The following SFXN5 variants were observed in gnomAD, a reference collection of about 807,000 sequenced individuals.
SFXN5 encodes sideroflexin-5.
Under a neutral mutation model 50.2 loss-of-function variants are expected in SFXN5, and 43 were observed. That is an observed-to-expected ratio of 0.86 (90% CI 0.67 to 1.11). The LOEUF (loss-of-function observed/expected upper bound fraction) is 1.11, where lower values mean the gene tolerates loss of function less well. SFXN5 is among the 50% of genes least tolerant of loss of function. The pLI, the probability that SFXN5 is intolerant of heterozygous loss-of-function variation, is 0.00. For missense variants in SFXN5, 463 were observed against 454.1 expected (o/e 1.02, Z -0.18); for synonymous variants, 203 against 185.8 (o/e 1.09, Z -0.75).
intron 6 of SFXN5, among the ~76,000 whole-genome samples, chr2:73,002,286 G>T (rs1674014190): frequency 6.6e-6 from 1 of 152,200 alleles, no homozygotes; most frequent in South Asian, 2.1e-4. Flanking sequence ...CTAGGTATGG[G>T]AACATGTAGA....
Position 72,944,665 on chromosome 2 carries a change from TA to T in SFXN5, c.*356del, listed in dbSNP as rs1671734491. 1 of 192,458 alleles carries T rather than the reference TA, an allele frequency of 5.2e-6. No individual in the cohort carries two copies. Among genetic ancestry groups the T allele is most frequent in the East Asian group, 1.4e-4 (1 of 7,374 alleles). 11.9% of individuals were successfully genotyped at this position (192,458 alleles called of 1,614,324 possible). A position where few individuals can be genotyped will look rare whatever the true frequency, so the allele number is the denominator to read the frequency against. On this transcript the variant is annotated 3_prime_UTR_variant, in exon 14 of 14. Transcript: ENST00000272433. ...AACTAAGGCTCAGATTTGATTCTGA[TA>T]AAAAATAAAAATAAAAAAGGAACCA...
intron 13 of SFXN5, among the ~76,000 whole-genome samples, chr2:72,951,927 C>T (rs1367910504): frequency 1.3e-5 from 2 of 152,244 alleles, no homozygotes; most frequent in African/African-American, 4.8e-5. Context: ...AACATCCCAT[C>T]CTTTCTCACC....
chr2:73,061,308 A>G (rs974740079), intron 1 of SFXN5, among the ~76,000 whole-genome samples: 53 of 131,760 alleles, frequency 4.0e-4, no homozygotes, highest in African/African-American at 1.0e-3. Context: ...ACTCTGTCTC[A>G]AAAAAAAAAA....
intron 1 of SFXN5, among the ~76,000 whole-genome samples, chr2:73,062,748 G>A (rs1035313058): frequency 6.6e-6 from 1 of 152,198 alleles, no homozygotes; most frequent in Admixed American, 6.5e-5. Context: ...GAGTTTAAAT[G>A]AAGCATCGCG....
intron 1 of SFXN5, chr2:73,071,343 G>A: frequency 2.2e-6 from 1 of 452,626 alleles, no homozygotes. Context: ...ACAGGGCGCC[G>A]CGGGCGGGAA....
intron 5 of SFXN5, 26 bp from the exon 6 acceptor site, chr2:73,020,290 GC>G (rs1559163491): frequency 1.2e-6 from 2 of 1,613,622 alleles, no homozygotes; most frequent in Admixed American, 3.3e-5. Flanking sequence ...AAAGAGTCAG[GC>G]CTTATAATCC....
At chr2:72,998,023 G>A (rs1462826689) in intron 9 of SFXN5, 1 of 152,342 alleles carries the variant, frequency 6.6e-6, no homozygotes, top group Non-Finnish European at 1.5e-5. Context: ...AGCCTCCTGA[G>A]TAGCTGGGAC....
rs139195818 is a variant in SFXN5, at chr2:72,947,057, G to A, written c.946-1958C>T. On this transcript the variant is annotated intron_variant, in intron 13 of 13. Coordinates refer to ENST00000272433, the MANE Select transcript of SFXN5 (RefSeq NM_144579.3). ...TCCCGTCTTCAGCTCATCATCTTTC[G>A]TGTCTCAGCTTTAGACACCTTCCCT... 3.9e-5 allele frequency among the ~76,000 whole-genome samples: 6 copies of A among 152,158 alleles called. No individual in the cohort carries two copies. The East Asian group carries it at 9.7e-4, about 25-fold the overall frequency.
intron 3 of SFXN5, among the ~76,000 whole-genome samples, chr2:73,033,592 G>A (rs1425307346): frequency 6.6e-6 from 1 of 152,238 alleles, no homozygotes; most frequent in African/African-American, 2.4e-5. Flanking sequence ...AGAACAGCCA[G>A]TGCAAAGGCC....
chr2:73,048,605 T>C (rs1183951318), intron 2 of SFXN5, among the ~76,000 whole-genome samples: 1 of 152,254 alleles, frequency 6.6e-6, no homozygotes, highest in Non-Finnish European at 1.5e-5. Context: ...TTTATTTTCT[T>C]TAGACTTTTA....
chr2:73,004,582 G>C (rs1674367834), intron 6 of SFXN5, among the ~76,000 whole-genome samples: 1 of 152,138 alleles, frequency 6.6e-6, no homozygotes, highest in Non-Finnish European at 1.5e-5. Context: ...CACAGGAGCA[G>C]GGACAGCCGA....
intron 2 of SFXN5, among the ~76,000 whole-genome samples, chr2:73,046,691 T>TA (rs1202952356): frequency 6.6e-6 from 1 of 151,924 alleles, no homozygotes; most frequent in African/African-American, 2.4e-5. Flanking sequence ...ATGAATAGAA[T>TA]AAAAAAAGTG....
intron 2 of SFXN5, among the ~76,000 whole-genome samples, chr2:73,048,305 C>T (rs1680781089): frequency 6.6e-6 from 1 of 152,188 alleles, no homozygotes; most frequent in Non-Finnish European, 1.5e-5. Context: ...GCAACCTCCA[C>T]CTCCCGAGTT....
chr2:72,948,333 C>T (rs1054710620), intron 13 of SFXN5, among the ~76,000 whole-genome samples: 27 of 152,184 alleles, frequency 1.8e-4, no homozygotes, highest in African/African-American at 6.0e-4. Context: ...ATAGATATCA[C>T]GCTGGAAAGA....
chr2:72,977,100 G>GT (rs973326468), intron 10 of SFXN5, among the ~76,000 whole-genome samples: 1 of 152,206 alleles, frequency 6.6e-6, no homozygotes, highest in Non-Finnish European at 1.5e-5. Flanking sequence ...TCTAAGAAGG[G>GT]TTGAGAGGCA....
chr2:73,031,115 T>C (rs1455732410), intron 3 of SFXN5, among the ~76,000 whole-genome samples: 2 of 152,248 alleles, frequency 1.3e-5, no homozygotes, highest in East Asian at 1.9e-4. Flanking sequence ...ATAAAATCCA[T>C]GTCCTATTGT....
chr2:72,950,100 G>A lies in SFXN5; in HGVS notation c.946-5001C>T, dbSNP rs552407466. 7.8e-4 allele frequency among the ~76,000 whole-genome samples: 118 copies of A among 152,030 alleles called. No homozygotes were observed. Among genetic ancestry groups the A allele is most frequent in the African/African-American group, 2.7e-3 (113 of 41,466 alleles). ...CAGATCCTTCAGAGTGGAGGAGCTC[G>A]CCCAGGGAAGCAGATGGAGGGGTGG... On this transcript the variant is annotated intron_variant, in intron 13 of 13. Coordinates refer to ENST00000272433, the MANE Select transcript of SFXN5 (RefSeq NM_144579.3). The surrounding 1 kb of genome is among the most constrained non-coding windows in gnomAD (Gnocchi z 4.2).
At chr2:73,052,390 GTGA>G (rs1321201149) in intron 2 of SFXN5, among the ~76,000 whole-genome samples, 2 of 148,878 alleles carry the variant, frequency 1.3e-5, no homozygotes, top group East Asian at 2.0e-4. Flanking sequence ...GTGTGTGTGT[GTGA>G]TGAGTGCATA....
At chr2:73,063,040 G>A (rs13403757) in intron 1 of SFXN5, among the ~76,000 whole-genome samples, 41,347 of 152,118 alleles carry the variant, frequency 0.27, 7,101 homozygotes, top group East Asian at 0.55. Flanking sequence ...AAATGAGGAA[G>A]AGCAGCCACA....
Sources: allele counts gnomAD v4.1 joint callset (sites outside exome capture counted in the v4.1 genomes callset), GRCh38; gene constraint gnomAD v4.1.1; non-coding constraint Gnocchi (gnomAD v3.1); transcripts MANE v1.5; gene names NCBI Gene and HGNC (gene_info 2026-07-23, HGNC 2026-07-21).